MAML3: variants seen among roughly 807,000 people sequenced by gnomAD.
MAML3 encodes the protein mastermind like transcriptional coactivator 3, also known as mastermind-like protein 3.
MAML3 carries 27 observed loss-of-function variants against 101.9 expected under a neutral mutation model. The ratio of observed to expected loss-of-function variants is 0.27; its 90% CI spans 0.20 to 0.37. MAML3 has a LOEUF of 0.37. MAML3 is among the 10% of genes least tolerant of loss of function. The probability of loss-of-function intolerance (pLI) is 1.00; values close to 1 mark genes in which losing one functional copy is unlikely to be tolerated. For synonymous variants in MAML3, 501 were observed against 555.9 expected, an observed-to-expected ratio of 0.90 and a Z score of 1.39; for missense variants, 1,316 against 1,444.9, an observed-to-expected ratio of 0.91 and a Z score of 1.45.
chr4:139,912,171 G>A (rs1732937385), intron 1 of MAML3, among the ~76,000 whole-genome samples: 1 of 152,074 alleles, frequency 6.6e-6, no homozygotes, highest in African/African-American at 2.4e-5. Flanking sequence ...TTCCCATAGA[G>A]GTGCTTGTTT....
At chr4:139,757,327 C>T (rs1198047737) in intron 2 of MAML3, among the ~76,000 whole-genome samples, 3 of 152,086 alleles carry the variant, frequency 2.0e-5, no homozygotes, top group Non-Finnish European at 4.4e-5. Context: ...CCAGTACTCC[C>T]CCTCACACTC....
chr4:139,903,685 C>A (rs1360240588), intron 1 of MAML3, among the ~76,000 whole-genome samples: 2 of 152,206 alleles, frequency 1.3e-5, no homozygotes, highest in Non-Finnish European at 2.9e-5. Context: ...GACTGGTGTT[C>A]TTATAAGAAG....
At chr4:140,121,512 A>G (rs1363852586) in intron 1 of MAML3, among the ~76,000 whole-genome samples, 4 of 152,188 alleles carry the variant, frequency 2.6e-5, no homozygotes, top group Non-Finnish European at 5.9e-5. Flanking sequence ...GGCTGTGTAG[A>G]CTCAAAGTAG....
intron 2 of MAML3, among the ~76,000 whole-genome samples, chr4:139,747,146 T>A (rs1489446837): frequency 6.6e-6 from 1 of 152,212 alleles, no homozygotes; most frequent in Non-Finnish European, 1.5e-5. Flanking sequence ...GGGAAGTCAA[T>A]CCTTAAATGA....
At chr4:139,830,597 G>C (rs1731146813) in intron 2 of MAML3, among the ~76,000 whole-genome samples, 1 of 151,664 alleles carries the variant, frequency 6.6e-6, no homozygotes, top group Non-Finnish European at 1.5e-5. Context: ...TATATTTTTA[G>C]TAGAGACGGG....
chr4:139,894,983 T>A (rs1217419401), intron 1 of MAML3, among the ~76,000 whole-genome samples: 1 of 152,194 alleles, frequency 6.6e-6, no homozygotes, highest in East Asian at 1.9e-4. Context: ...ACTGACTCGA[T>A]TTTAGAAAGT....
At chr4:140,039,538 A>G (rs929815489) in intron 1 of MAML3, among the ~76,000 whole-genome samples, 5 of 152,132 alleles carry the variant, frequency 3.3e-5, no homozygotes, top group African/African-American at 1.2e-4. Flanking sequence ...CCTCTCCCAG[A>G]GGCTTTCGTT....
chr4:140,056,291 T>TA (rs1727347486), intron 1 of MAML3, among the ~76,000 whole-genome samples: 1 of 152,120 alleles, frequency 6.6e-6, no homozygotes, highest in Non-Finnish European at 1.5e-5. Flanking sequence ...ACATCTGTTC[T>TA]AAAAAGCACC....
At chr4:140,024,454 C>A (rs1203461842) in intron 1 of MAML3, among the ~76,000 whole-genome samples, 1 of 152,068 alleles carries the variant, frequency 6.6e-6, no homozygotes, top group African/African-American at 2.4e-5. Flanking sequence ...GTCTCAAACA[C>A]CTGGCTTCTG....
chr4:140,035,145 C>T (rs4863729), intron 1 of MAML3, among the ~76,000 whole-genome samples: 75,621 of 151,820 alleles, frequency 0.5, 19,807 homozygotes, highest in African/African-American at 0.58. Context: ...CTAATTTTTT[C>T]GTATTTTTAG....
chr4:139,943,199 A>G (rs1468673746), intron 1 of MAML3, among the ~76,000 whole-genome samples: 3 of 152,162 alleles, frequency 2.0e-5, no homozygotes, highest in Admixed American at 2.0e-4. Flanking sequence ...TGAAGAAGAG[A>G]ATGCTGCTTC....
chr4:140,052,479 G>A (rs1727283983), intron 1 of MAML3, among the ~76,000 whole-genome samples: 2 of 152,030 alleles, frequency 1.3e-5, no homozygotes, highest in Admixed American at 1.3e-4. Context: ...CTGTTCAGTG[G>A]GGTATGGGTG....
chr4:140,152,679 CAGGT>C (rs539049554), intron 1 of MAML3, among the ~76,000 whole-genome samples, 177 bp downstream of exon 1: 46 of 152,096 alleles, frequency 3.0e-4, no homozygotes, highest in African/African-American at 1.1e-3. Flanking sequence ...GACAGATTAA[CAGGT>C]AGCGACGACG....
At chr4:139,895,293 G>A (rs1020150524) in intron 1 of MAML3, among the ~76,000 whole-genome samples, 1 of 152,196 alleles carries the variant, frequency 6.6e-6, no homozygotes, top group Admixed American at 6.5e-5. Context: ...AAGAAATGTT[G>A]GCTATGATAC....
At chr4:140,038,542 C>T (rs1727026430) in intron 1 of MAML3, among the ~76,000 whole-genome samples, 1 of 152,178 alleles carries the variant, frequency 6.6e-6, no homozygotes, top group African/African-American at 2.4e-5. Flanking sequence ...AAGTATCACA[C>T]ATATTTAGAG....
rs1306831633 is a variant in MAML3, at chr4:139,744,588, A to G, written c.2080-13921T>C. 3.3e-5 allele frequency among the ~76,000 whole-genome samples: 5 copies of G among 152,284 alleles called. No individual in the cohort carries two copies. In the East Asian group the frequency reaches 7.7e-4, roughly 24 times the overall value. On this transcript the variant is annotated intron_variant, in intron 2 of 4. Transcript: ENST00000509479. ...GCTATTAAAGTTTGCTTTCAATTTG[A>G]ATATGCATCCCACTTTTTGAAAAAC... is the stretch of plus-strand genomic sequence containing the variant.
chr4:140,151,395 GGGGAGC>G (rs916158974), intron 1 of MAML3, among the ~76,000 whole-genome samples: 1 of 151,836 alleles, frequency 6.6e-6, no homozygotes, highest in African/African-American at 2.4e-5. Context: ...GGGGGGACGT[GGGGAGC>G]GAGCACTGCG....
At chr4:140,006,353 A>C (rs1726447148) in intron 1 of MAML3, among the ~76,000 whole-genome samples, 1 of 152,080 alleles carries the variant, frequency 6.6e-6, no homozygotes, top group Non-Finnish European at 1.5e-5. Flanking sequence ...TGGGAGGCCA[A>C]GAGGGGTGGA....
At chr4:139,750,134 C>T (rs138972923) in intron 2 of MAML3, among the ~76,000 whole-genome samples, 30 of 152,264 alleles carry the variant, frequency 2.0e-4, no homozygotes, top group African/African-American at 7.0e-4. Flanking sequence ...TCCAAACCCC[C>T]AAGATAAGGT....
Sources: gnomAD v4.1 joint callset for allele counts (sites outside exome capture counted in the v4.1 genomes callset) on GRCh38, gnomAD v4.1.1 for gene constraint, MANE v1.5 for transcripts, NCBI Gene and HGNC (gene_info 2026-07-23, HGNC 2026-07-21) for gene names.